The following SLC5A8 variants were observed in gnomAD, a reference collection of about 807,000 sequenced individuals.
SLC5A8 encodes sodium-coupled monocarboxylate transporter 1.
SLC5A8 carries 55 observed loss-of-function variants against 71.9 expected under a neutral mutation model. The observed-to-expected ratio is 0.77, with a 90% CI of 0.62 to 0.96. The LOEUF is 0.96. Ranked by LOEUF, SLC5A8 falls within the 40% of genes least tolerant of loss-of-function variation. SLC5A8 has a pLI of 0.00. For synonymous variants in SLC5A8, 307 were observed against 276.1 expected (o/e 1.11, Z -1.11); for missense variants, 701 against 745.3 (o/e 0.94, Z 0.69).
At chr12:101,162,132 C>T in intron 12 of SLC5A8, 55 bp from the exon 13 acceptor site, 1 of 1,091,646 alleles carries the variant, frequency 9.2e-7, no homozygotes, top group Non-Finnish European at 1.4e-6. Context: ...TAGCAACTAC[C>T]AGTATATACC....
intron 7 of SLC5A8, among the ~76,000 whole-genome samples, chr12:101,184,760 T>TA (rs1868549753): frequency 6.6e-6 from 1 of 152,166 alleles, no homozygotes; most frequent in African/African-American, 2.4e-5. Context: ...GTGCATCAGG[T>TA]ACGAGACATA....
intron 10 of SLC5A8, among the ~76,000 whole-genome samples, chr12:101,171,044 AG>A (rs2051825184): frequency 6.6e-6 from 1 of 152,132 alleles, no homozygotes. Context: ...GTCGTGGGCC[AG>A]ATTTAGTCAC....
intron 4 of SLC5A8, among the ~76,000 whole-genome samples, chr12:101,194,201 T>C (rs1437975460): frequency 1.3e-5 from 2 of 152,206 alleles, no homozygotes; most frequent in Admixed American, 6.5e-5. Context: ...CAGATGGTCA[T>C]TTCCACTGTT....
At chr12:101,173,202 G>C (rs561313976) in intron 10 of SLC5A8, among the ~76,000 whole-genome samples, 3 of 152,314 alleles carry the variant, frequency 2.0e-5, no homozygotes, top group Admixed American at 2.0e-4. Flanking sequence ...TGCTGTATTT[G>C]TATTTCTCGG....
rs181457187 is a variant in SLC5A8, at chr12:101,174,833, T to C, written c.1233+5196A>G. ...GGCACCCTCCCTTACGCTACTGACG[T>C]AGTGTCAGAGAAAGCTGGCTAAAAC... On this transcript the variant is annotated intron_variant, in intron 10 of 14. Coordinates refer to ENST00000536262, the MANE Select transcript of SLC5A8 (RefSeq NM_145913.5). Among the ~76,000 whole-genome samples the C allele has an allele frequency of 3.9e-5, 6 of 152,300 alleles. No homozygotes were observed. The East Asian group carries it at 1.2e-3, about 29-fold the overall frequency.
chr12:101,192,916 T>C (rs1203069940), intron 5 of SLC5A8, among the ~76,000 whole-genome samples: 1 of 151,192 alleles, frequency 6.6e-6, no homozygotes, highest in East Asian at 1.9e-4. Context: ...TTTTTTTTTA[T>C]GGCAGGTGCT....
In SLC5A8 at chr12:101,190,676, A is replaced by G. The variant is rs1868867142; in HGVS notation, c.693-68T>C. On this transcript the variant is annotated intron_variant, in intron 5 of 14. Transcript: ENST00000536262. ...AGACTAAAAAAAATTCTCTTAGACT[A>G]TATTTGGAAGCAAGCAATGCACATT... The G allele has an allele frequency of 6.2e-6, 9 of 1,456,150 alleles. No individual in the cohort carries two copies. In the Admixed American group the frequency reaches 1.3e-4, roughly 21 times the overall value. The allele number at this position is 1,456,150 out of a possible 1,614,324, so 90.2% of individuals were successfully genotyped here. A position where few individuals can be genotyped will look rare whatever the true frequency, so the allele number is the denominator to read the frequency against.
intron 4 of SLC5A8, 39 bp from the exon 5 acceptor site, chr12:101,193,818 A>T: frequency 6.2e-7 from 1 of 1,601,030 alleles, no homozygotes; most frequent in Non-Finnish European, 8.5e-7. Flanking sequence ...TGCTTCTATT[A>T]GACATTATTA....
chr12:101,190,247 G>A (rs778165613), intron 6 of SLC5A8, among the ~76,000 whole-genome samples: 5 of 152,130 alleles, frequency 3.3e-5, no homozygotes, highest in African/African-American at 4.8e-5. Flanking sequence ...AATAAATGCT[G>A]ATTTGTTTTC....
intron 12 of SLC5A8, among the ~76,000 whole-genome samples, chr12:101,164,220 A>T (rs1052618710): frequency 1.3e-5 from 2 of 152,220 alleles, no homozygotes; most frequent in African/African-American, 4.8e-5. Context: ...AACATATCTC[A>T]TATCTAGAAT....
chr12:101,208,894 A>G (rs868353352), intron 1 of SLC5A8, among the ~76,000 whole-genome samples: 2 of 152,172 alleles, frequency 1.3e-5, no homozygotes, highest in Non-Finnish European at 2.9e-5. Flanking sequence ...TTTGAGGAAT[A>G]GGCACAAAAG....
At chr12:101,188,847 T>A (rs1305608834) in intron 6 of SLC5A8, among the ~76,000 whole-genome samples, 1 of 152,172 alleles carries the variant, frequency 6.6e-6, no homozygotes, top group African/African-American at 2.4e-5. Context: ...TCCAAACACC[T>A]CCTGTCTCTT....
At position 101,209,803 on chromosome 12, in the gene SLC5A8, C is replaced by T; in HGVS notation, c.46G>A (p.Val16Met). 1 of 1,599,130 alleles carries T rather than the reference C, an allele frequency of 6.3e-7. No homozygotes were observed. The highest frequency in any genetic ancestry group is 8.5e-7 in the Non-Finnish European group (1 of 1,171,904). Residue 16 changes from valine (V) to methionine (M), a missense_variant, in exon 1 of 15, where the codon GTG becomes ATG. Physicochemically the swap from Val to Met is conservative, Grantham distance 21. Coordinates refer to ENST00000536262, the MANE Select transcript of SLC5A8 (RefSeq NM_145913.5). ...GIGTFVVWDY[V>M]VFAGMLVISA... ...ATGACCAGCATGCCCGCGAACACCA[C>T]GTAGTCCCACACCACGAAGGTGCCG...
chr12:101,204,185 G>A (rs541079968), intron 2 of SLC5A8, among the ~76,000 whole-genome samples: 1 of 152,306 alleles, frequency 6.6e-6, no homozygotes, highest in Admixed American at 6.5e-5. Flanking sequence ...TTGTCATGTA[G>A]TAATGCCCTT....
At chr12:101,197,700 T>C (rs1869246861) in intron 3 of SLC5A8, among the ~76,000 whole-genome samples, 1 of 152,054 alleles carries the variant, frequency 6.6e-6, no homozygotes, top group Non-Finnish European at 1.5e-5. Flanking sequence ...TCAGTAAAAA[T>C]TGACAGAGAA....
intron 3 of SLC5A8, among the ~76,000 whole-genome samples, chr12:101,201,344 C>T (rs918983596): frequency 3.9e-5 from 6 of 152,124 alleles, no homozygotes; most frequent in Admixed American, 6.5e-5. Context: ...TCATGTCTAT[C>T]ATAAAATCAA....
chr12:101,202,480 G>T (rs572350956), intron 2 of SLC5A8, among the ~76,000 whole-genome samples: 1 of 152,052 alleles, frequency 6.6e-6, no homozygotes, highest in Non-Finnish European at 1.5e-5. Flanking sequence ...ATGGTGCTTA[G>T]TGCAAATGGT....
chr12:101,171,889 C>T (rs954289469), intron 10 of SLC5A8, among the ~76,000 whole-genome samples: 1 of 152,130 alleles, frequency 6.6e-6, no homozygotes, highest in Non-Finnish European at 1.5e-5. Context: ...CAAAAGAACA[C>T]GGGCACACTG....
chr12:101,199,590 G>T (rs1317016126), intron 3 of SLC5A8, among the ~76,000 whole-genome samples: 1 of 151,782 alleles, frequency 6.6e-6, no homozygotes, highest in Non-Finnish European at 1.5e-5. Flanking sequence ...AGTGAAAACT[G>T]AAACAACAAT....
Sources: allele counts gnomAD v4.1 joint callset (sites outside exome capture counted in the v4.1 genomes callset), GRCh38; gene constraint gnomAD v4.1.1; transcripts MANE v1.5; gene names NCBI Gene and HGNC (gene_info 2026-07-23, HGNC 2026-07-21).